LRRC4C: variants seen among roughly 807,000 people sequenced by gnomAD.
The protein encoded by LRRC4C is leucine-rich repeat-containing protein 4C.
A neutral mutation model predicts 33.6 loss-of-function variants in LRRC4C; 5 were observed. The ratio of observed to expected loss-of-function variants is 0.15; its 90% CI spans 0.08 to 0.31. The LOEUF is 0.31. Among genes scored for constraint, LRRC4C ranks in the 10% least tolerant of loss-of-function variants. LRRC4C has a pLI of 1.00. For synonymous variants in LRRC4C, 329 were observed against 302.0 expected (o/e 1.09, Z -0.93); for missense variants, 560 against 796.7 (o/e 0.70, Z 3.58).
intron 3 of LRRC4C, among the ~76,000 whole-genome samples, chr11:40,618,043 C>G (rs936950321): frequency 2.0e-5 from 3 of 151,680 alleles, no homozygotes; most frequent in Non-Finnish European, 3.0e-5. Flanking sequence ...TTTCCCTTCT[C>G]TGGCACCATC....
At chr11:40,326,497 G>A (rs1309670737) in intron 3 of LRRC4C, among the ~76,000 whole-genome samples, 1 of 150,724 alleles carries the variant, frequency 6.6e-6, no homozygotes, top group East Asian at 1.9e-4. Flanking sequence ...GGAGGCAGAA[G>A]TTGTAGTGAG....
intron 2 of LRRC4C, among the ~76,000 whole-genome samples, chr11:40,908,556 A>T (rs1357658711): frequency 1.3e-5 from 2 of 152,128 alleles, no homozygotes; most frequent in African/African-American, 4.8e-5. Context: ...AATAAATTAA[A>T]AACCTCCGAA....
chr11:40,203,167 T>C (rs147811696), intron 5 of LRRC4C, among the ~76,000 whole-genome samples: 1 of 152,244 alleles, frequency 6.6e-6, no homozygotes, highest in Non-Finnish European at 1.5e-5. Flanking sequence ...TATTTTTATT[T>C]GTGGCTCCCT....
At chr11:40,654,521 A>G (rs1363385744) in intron 2 of LRRC4C, among the ~76,000 whole-genome samples, 1 of 152,032 alleles carries the variant, frequency 6.6e-6, no homozygotes, top group Non-Finnish European at 1.5e-5. Context: ...GTTTTGGCCA[A>G]TTTCTCCCAT....
intron 3 of LRRC4C, among the ~76,000 whole-genome samples, chr11:40,627,928 T>C (rs1240744071): frequency 6.6e-6 from 1 of 152,296 alleles, no homozygotes; most frequent in South Asian, 2.1e-4. Flanking sequence ...ATGTTGGTTT[T>C]TTGGAGCAAT....
At position 40,674,758 on chromosome 11, in the gene LRRC4C, C is replaced by T. The variant is rs548864714; in HGVS notation, c.-406-26480G>A. Among the ~76,000 whole-genome samples the T allele has an allele frequency of 3.9e-5, 6 of 152,252 alleles. No individual in the cohort carries two copies. In the South Asian group the frequency reaches 1.0e-3, roughly 26 times the overall value. The stretch of plus-strand genomic sequence containing the variant: ...TACGAGGATGAATAAAATCAAGCCT[C>T]ATATGCATAGAGCTTATATTTTGTA... On this transcript the variant is annotated intron_variant, in intron 2 of 6. Coordinates refer to ENST00000528697, the MANE Select transcript of LRRC4C (RefSeq NM_001258419.2).
intron 3 of LRRC4C, among the ~76,000 whole-genome samples, chr11:40,459,423 GA>G (rs1358933824): frequency 1.6e-5 from 1 of 64,416 alleles, no homozygotes; most frequent in East Asian, 8.2e-4. Flanking sequence ...ATCTCAGTCA[GA>G]GGGGAAAAAT....
intron 1 of LRRC4C, among the ~76,000 whole-genome samples, chr11:41,247,389 C>G (rs977932953): frequency 1.3e-5 from 2 of 152,150 alleles, no homozygotes; most frequent in Admixed American, 1.3e-4. Flanking sequence ...AACATCTTTC[C>G]TTTCTTCTTG....
chr11:40,823,001 C>A (rs1952004537), intron 2 of LRRC4C, among the ~76,000 whole-genome samples: 1 of 151,678 alleles, frequency 6.6e-6, no homozygotes, highest in Non-Finnish European at 1.5e-5. Flanking sequence ...GATTTTATCT[C>A]TGGGTTCTCC....
intron 5 of LRRC4C, among the ~76,000 whole-genome samples, chr11:40,231,113 T>C (rs1022568534): frequency 6.6e-6 from 1 of 152,152 alleles, no homozygotes; most frequent in African/African-American, 2.4e-5. Context: ...ATGCTTGTAG[T>C]CCCAGCAACT....
At chr11:41,304,553 GC>G (rs1950411133) in intron 1 of LRRC4C, among the ~76,000 whole-genome samples, 1 of 112,174 alleles carries the variant, frequency 8.9e-6, no homozygotes, top group African/African-American at 3.5e-5. Flanking sequence ...CCGGCCAGCC[GC>G]CCCGTCTGGG....
At position 40,115,202 on chromosome 11, in the gene LRRC4C, T is replaced by C. The variant is rs560815816; in HGVS notation, c.1091A>G (p.Asn364Ser). 1.2e-4 allele frequency: 199 copies of C among 1,614,122 alleles called. No individual in the cohort carries two copies. Among genetic ancestry groups the C allele is most frequent in the Non-Finnish European group, 1.6e-4 (185 of 1,180,014 alleles). ...PVIVEPPADL[N>S]VTEGMAAELK... is the part of the protein sequence containing the mutation. ...CTCAGCTGCCATGCCTTCAGTGACA[T>C]TGAGGTCTGCAGGGGGCTCCACAAT... is the stretch of plus-strand genomic sequence containing the variant. The change falls in exon 7 of 7, where the codon AAT (asparagine) becomes AGT (serine). Residue 364 changes from asparagine to serine, a missense_variant. Asn to Ser is a conservative substitution (Grantham distance 46). Around this residue, in one of 3 missense-constraint regions of LRRC4C, gnomAD observed 455 missense variants for 643.8 expected, o/e 0.71. Transcript: ENST00000528697. The surrounding 1 kb of genome is among the most constrained non-coding windows in gnomAD (Gnocchi z 6.7).
rs188110342 is a variant in LRRC4C, at chr11:40,753,179, A to G, written c.-406-104901T>C. Among the ~76,000 whole-genome samples, 191 of 152,178 alleles carry G rather than the reference A, an allele frequency of 1.3e-3. 2 individuals carry two copies. The Middle Eastern group carries it at 0.024, about 19-fold the overall frequency. ...GGGAAATGGAGAGAGGTTGGTGAAT[A>G]GGTACAAACTTACAGAGATAATAGA... On this transcript the variant is annotated intron_variant, in intron 2 of 6. Transcript: ENST00000528697.
At chr11:40,546,636 G>C (rs535718811) in intron 3 of LRRC4C, among the ~76,000 whole-genome samples, 2 of 152,050 alleles carry the variant, frequency 1.3e-5, no homozygotes, top group African/African-American at 4.8e-5. Context: ...ATAAATAGTT[G>C]CAATGCATAC....
chr11:41,308,859 C>T (rs1950573337), intron 1 of LRRC4C, among the ~76,000 whole-genome samples: 1 of 151,508 alleles, frequency 6.6e-6, no homozygotes. Flanking sequence ...GGCTGGAGTG[C>T]AGTGGCGCAA....
intron 3 of LRRC4C, among the ~76,000 whole-genome samples, chr11:40,388,089 A>C (rs1949183460): frequency 6.6e-6 from 1 of 152,142 alleles, no homozygotes; most frequent in Non-Finnish European, 1.5e-5. Flanking sequence ...GTATTGAGAA[A>C]AGTAGCCCAC....
rs765791879 is a variant in LRRC4C at position 40,698,798 on chromosome 11, C to CGAGA, written c.-406-50524_-406-50521dup. ...AAGGCACATCTTACATTGAGGCAGACGAGAGAAATGAGAATCAAGTGAAAG... is the reference window on the plus strand; with the variant it reads ...AAGGCACATCTTACATTGAGGCAGACGAGAGAGAGAAATGAGAATCAAGTGAAAG... On this transcript the variant is annotated intron_variant, in intron 2 of 6. Coordinates refer to ENST00000528697, the MANE Select transcript of LRRC4C (RefSeq NM_001258419.2). 3.3e-5 allele frequency among the ~76,000 whole-genome samples: 5 copies of CGAGA among 151,984 alleles called. No individual in the cohort carries two copies. The East Asian group carries it at 9.7e-4, about 29-fold the overall frequency.
chr11:40,835,988 C>T (rs1309634198), intron 2 of LRRC4C, among the ~76,000 whole-genome samples: 1 of 152,108 alleles, frequency 6.6e-6, no homozygotes, highest in African/African-American at 2.4e-5. Flanking sequence ...ATATTTATAG[C>T]ATTTAATTTG....
At chr11:40,545,580 A>G (rs1956880288) in intron 3 of LRRC4C, among the ~76,000 whole-genome samples, 1 of 152,016 alleles carries the variant, frequency 6.6e-6, no homozygotes, top group Non-Finnish European at 1.5e-5. Flanking sequence ...CTACTCTTTC[A>G]GGAACGTTAG....
Sources: gnomAD v4.1 joint callset for allele counts (sites outside exome capture counted in the v4.1 genomes callset) on GRCh38, gnomAD v4.1.1 for gene constraint, gnomAD v4.1.1 regional missense constraint, Gnocchi (gnomAD v3.1) non-coding constraint, MANE v1.5 for transcripts, NCBI Gene and HGNC (gene_info 2026-07-23, HGNC 2026-07-21) for gene names.